SYNPR: variants seen among roughly 807,000 people sequenced by gnomAD.
SYNPR encodes synaptoporin.
In SYNPR, 23 loss-of-function variants were observed where a neutral mutation model predicts 32.9. The ratio of observed to expected loss-of-function variants is 0.70; its 90% CI spans 0.50 to 0.99. The LOEUF is 0.99. Among genes scored for constraint, SYNPR ranks in the 50% least tolerant of loss-of-function variants. SYNPR has a pLI of 0.00. For synonymous variants in SYNPR, 146 were observed against 135.9 expected, an observed-to-expected ratio of 1.07 and a Z score of -0.52; for missense variants, 318 against 349.3, an observed-to-expected ratio of 0.91 and a Z score of 0.71.
At chr3:63,348,900 T>TTTTGGTTAC (rs1395838047) in intron 2 of SYNPR, among the ~76,000 whole-genome samples, 5 of 152,180 alleles carry the variant, frequency 3.3e-5, no homozygotes, top group African/African-American at 4.8e-5. Flanking sequence ...GTCTATGCTG[T>TTTTGGTTAC]TTTGGTTACT....
chr3:63,575,383 C>T (rs1192040195), intron 4 of SYNPR, among the ~76,000 whole-genome samples: 1 of 152,124 alleles, frequency 6.6e-6, no homozygotes, highest in African/African-American at 2.4e-5. Context: ...CCCTGTTCCT[C>T]TTTCTCATCA....
chr3:63,292,019 C>T (rs2086744867), intron 2 of SYNPR, among the ~76,000 whole-genome samples: 1 of 152,098 alleles, frequency 6.6e-6, no homozygotes, highest in South Asian at 2.1e-4. Flanking sequence ...TGCTCCTAGG[C>T]TAAAAACCTG....
chr3:63,400,341 T>C (rs1254315261), intron 2 of SYNPR, among the ~76,000 whole-genome samples: 1 of 151,758 alleles, frequency 6.6e-6, no homozygotes. Flanking sequence ...GCTGGGAGGG[T>C]CTAATATGAG....
intron 3 of SYNPR, among the ~76,000 whole-genome samples, chr3:63,484,210 G>T (rs944547352): frequency 3.3e-5 from 5 of 152,036 alleles, no homozygotes; most frequent in Admixed American, 2.6e-4. Context: ...GTATCATATT[G>T]TTATAGAAAT....
intron 4 of SYNPR, among the ~76,000 whole-genome samples, chr3:63,599,849 T>C (rs1700012984): frequency 1.3e-5 from 2 of 152,218 alleles, no homozygotes; most frequent in South Asian, 4.1e-4. Context: ...CACATATAAT[T>C]TCTAAGTAGT....
intron 2 of SYNPR, among the ~76,000 whole-genome samples, chr3:63,340,659 T>A (rs1276396622): frequency 6.6e-6 from 1 of 152,090 alleles, no homozygotes; most frequent in African/African-American, 2.4e-5. Context: ...GACCTCGTGA[T>A]CTGCCCGCCT....
At chr3:63,576,203 A>G (rs1173562570) in intron 4 of SYNPR, among the ~76,000 whole-genome samples, 1 of 152,250 alleles carries the variant, frequency 6.6e-6, no homozygotes, top group Middle Eastern at 3.4e-3. Context: ...AGATTTCACA[A>G]CTTTGTATGT....
intron 2 of SYNPR, among the ~76,000 whole-genome samples, chr3:63,353,441 T>C (rs1340319451): frequency 6.6e-6 from 1 of 152,234 alleles, no homozygotes; most frequent in Non-Finnish European, 1.5e-5. Flanking sequence ...GACTTTGGCT[T>C]GACACCTACT....
At chr3:63,292,519 G>A (rs915629370) in intron 2 of SYNPR, among the ~76,000 whole-genome samples, 1 of 152,178 alleles carries the variant, frequency 6.6e-6, no homozygotes, top group Non-Finnish European at 1.5e-5. Flanking sequence ...AGCTCCATTA[G>A]TTACAAGCTA....
At chr3:63,335,855 C>T (rs1314310186) in intron 2 of SYNPR, among the ~76,000 whole-genome samples, 1 of 148,330 alleles carries the variant, frequency 6.7e-6, no homozygotes, top group Non-Finnish European at 1.5e-5. Flanking sequence ...CAGCTCACCG[C>T]AACCTCTGCC....
intron 2 of SYNPR, among the ~76,000 whole-genome samples, chr3:63,458,162 C>T (rs1700519291): frequency 6.6e-6 from 1 of 152,032 alleles, no homozygotes; most frequent in Non-Finnish European, 1.5e-5. Context: ...AAAATTAATT[C>T]CTCCTTGAAT....
At chr3:63,290,592 C>G (rs1211571466) in intron 2 of SYNPR, among the ~76,000 whole-genome samples, 1 of 151,950 alleles carries the variant, frequency 6.6e-6, no homozygotes, top group Non-Finnish European at 1.5e-5. Flanking sequence ...TCTTTATTCA[C>G]TGATCCGTTG....
At chr3:63,444,733 C>T (rs1012119537) in intron 2 of SYNPR, among the ~76,000 whole-genome samples, 4 of 152,114 alleles carry the variant, frequency 2.6e-5, no homozygotes, top group East Asian at 1.9e-4. Context: ...GGACGTGCCA[C>T]GACTCACACA....
At chr3:63,334,917 T>C (rs1033181370) in intron 2 of SYNPR, among the ~76,000 whole-genome samples, 6 of 152,330 alleles carry the variant, frequency 3.9e-5, no homozygotes, top group African/African-American at 1.4e-4. Context: ...GAAGAAGGCT[T>C]AATTACAGAA....
the SYNPR span, among the ~76,000 whole-genome samples, chr3:63,217,964 TACAAC>T: frequency 6.6e-6 from 1 of 152,118 alleles, no homozygotes; most frequent in African/African-American, 2.4e-5. Flanking sequence ...AAGGATTTCT[TACAAC>T]ACTTATTGAC....
chr3:63,558,698 T>G (rs1421139017), intron 4 of SYNPR, among the ~76,000 whole-genome samples: 2 of 152,060 alleles, frequency 1.3e-5, no homozygotes, highest in East Asian at 3.9e-4. Flanking sequence ...TTTTGAAAAA[T>G]TATGCATTAA....
intron 2 of SYNPR, among the ~76,000 whole-genome samples, chr3:63,399,472 T>C (rs1397075002): frequency 3.9e-5 from 6 of 152,188 alleles, no homozygotes; most frequent in Non-Finnish European, 8.8e-5. Context: ...ATTAAGGTGC[T>C]GGCAGATTTG....
chr3:63,284,700 T>C (rs1300287601), intron 2 of SYNPR, among the ~76,000 whole-genome samples: 1 of 152,204 alleles, frequency 6.6e-6, no homozygotes, highest in Non-Finnish European at 1.5e-5. Flanking sequence ...GCTTTCTTAA[T>C]ATTAATAACA....
chr3:63,387,366 C>G (rs914442319), intron 2 of SYNPR, among the ~76,000 whole-genome samples: 1 of 152,082 alleles, frequency 6.6e-6, no homozygotes, highest in Non-Finnish European at 1.5e-5. Context: ...CGTAAATGGA[C>G]CTCATATCTC....
Sources: allele counts gnomAD v4.1 joint callset (sites outside exome capture counted in the v4.1 genomes callset), GRCh38; gene constraint gnomAD v4.1.1; transcripts MANE v1.5; gene names NCBI Gene and HGNC (gene_info 2026-07-23, HGNC 2026-07-21).